The following GTF3C2 variants were observed in gnomAD, a reference collection of about 807,000 sequenced individuals.
GTF3C2 encodes the protein general transcription factor IIIC subunit 2.
In GTF3C2, 17 loss-of-function variants were observed where a neutral mutation model predicts 117.4. The ratio of observed to expected loss-of-function variants is 0.14; its 90% CI spans 0.10 to 0.22. GTF3C2 has a LOEUF of 0.22. Among genes scored for constraint, GTF3C2 ranks in the 10% least tolerant of loss-of-function variants. The pLI is 1.00. For synonymous variants in GTF3C2, 437 were observed against 427.0 expected, an observed-to-expected ratio of 1.02 and a Z score of -0.29; for missense variants, 888 against 1,143.6, an observed-to-expected ratio of 0.78 and a Z score of 3.22.
Position 27,343,608 on chromosome 2 carries a change from G to A in GTF3C2, c.-24-30C>T, listed in dbSNP as rs558231357. On this transcript the variant is annotated intron_variant, in intron 1 of 18. Transcript: ENST00000264720. ...ATACAGAGACACACAAATGAGTAGA[G>A]GACAAAAACTATTTGTACTAGCTCA... is the stretch of plus-strand genomic sequence containing the variant. 3.3e-4 allele frequency: 525 copies of A among 1,581,326 alleles called. No homozygotes were observed. In the African/African-American group the frequency reaches 6.6e-3, roughly 20 times the overall value.
At chr2:27,350,019 A>T (rs1681071486) in intron 1 of GTF3C2, among the ~76,000 whole-genome samples, 1 of 152,216 alleles carries the variant, frequency 6.6e-6, no homozygotes, top group Non-Finnish European at 1.5e-5. Context: ...AACATCAAAT[A>T]ACAGCATCAA....
At chr2:27,343,054 G>A (rs756111010) in exon 3 of GTF3C2, 2 of 1,613,580 alleles carry the variant, frequency 1.2e-6, no homozygotes, top group Admixed American at 3.3e-5. Context: ...AGGCTGTTGG[G>A]GCCTTTTGGG....
At chr2:27,346,527 T>C (rs1209851922) in intron 1 of GTF3C2, among the ~76,000 whole-genome samples, 1 of 151,410 alleles carries the variant, frequency 6.6e-6, no homozygotes, top group African/African-American at 2.4e-5. Flanking sequence ...AATTTTTGTA[T>C]TTTTTGTAGA....
At chr2:27,335,335 G>GC (rs1360465975) in intron 10 of GTF3C2, 1 of 601,442 alleles carries the variant, frequency 1.7e-6, no homozygotes, top group Admixed American at 2.2e-5. Context: ...ACCTGTGGCA[G>GC]CAAGAGGGGG....
chr2:27,342,131 C>T lies in GTF3C2; in HGVS notation c.672G>A (p.Pro224=), dbSNP rs77603674. 5.2e-4 allele frequency: 838 copies of T among 1,614,154 alleles called. 4 individuals are homozygous for T. The African/African-American group carries it at 9.6e-3, about 19-fold the overall frequency. The change falls in exon 4 of 19, where the codon CCG becomes CCA. Residue 224 remains proline, a synonymous_variant. Transcript: ENST00000264720. ...AGGCTGCTGGCTGCCGGATCTTCTT[C>T]GGTTTGGTGGGGCTGCTCACCTTGG...
chr2:27,337,774 T>C lies in GTF3C2; in HGVS notation c.950+152A>G. 3 of 707,954 alleles carry C rather than the reference T, an allele frequency of 4.2e-6. No individual in the cohort carries two copies. In the South Asian group the frequency reaches 4.9e-5, roughly 12 times the overall value. The allele number at this position is 707,954 out of a possible 1,614,324, so 43.9% of individuals were successfully genotyped here. ...CACTTTAATTAAAGAGTTCTAGAGC[T>C]CTTGCCTCTAGAGCAGTGCTTTTTA... On this transcript the variant is annotated intron_variant, in intron 5 of 18. Transcript: ENST00000264720.
Position 27,328,868 on chromosome 2 carries a change from AGTGAAGTAGG to A in GTF3C2, c.2093_2102del (p.Ala698ValfsTer20). ...CCCAAACGGTGCCTTTTCGAGGAGC[AGTGAAGTAGG>A]CCTTGAAACCAAGGTAACCAGCGTC... On this transcript the variant is annotated frameshift_variant, in exon 15 of 19. Transcript: ENST00000264720. LOFTEE classifies it high-confidence loss of function. 1 of 1,613,050 alleles carries A rather than the reference AGTGAAGTAGG, an allele frequency of 6.2e-7. No homozygotes were observed. Among genetic ancestry groups the A allele is most frequent in the Non-Finnish European group, 8.5e-7 (1 of 1,178,938 alleles).
At chr2:27,334,048 G>A in intron 10 of GTF3C2, 49 bp from the exon 11 acceptor site, 2 of 1,466,840 alleles carry the variant, frequency 1.4e-6, no homozygotes, top group Non-Finnish European at 1.9e-6. Flanking sequence ...CAAGGACTCA[G>A]CAGGTCTTAC....
At chr2:27,333,158 CTTTTTT>C (rs1199330474) in intron 12 of GTF3C2, among the ~76,000 whole-genome samples, 16 of 130,170 alleles carry the variant, frequency 1.2e-4, no homozygotes, top group African/African-American at 3.8e-4. Context: ...GGCATCTACT[CTTTTTT>C]TTTTTTTTTT....
At chr2:27,337,092 G>A (rs1209313224) in intron 7 of GTF3C2, 152 bp downstream of exon 7, 10 of 622,810 alleles carry the variant, frequency 1.6e-5, no homozygotes, top group Non-Finnish European at 2.9e-5. Context: ...AATCAGAGAG[G>A]ACTGACCAGC....
chr2:27,336,479 G>T (rs569604012), intron 7 of GTF3C2, 54 bp from the exon 8 acceptor site: 3 of 1,058,640 alleles, frequency 2.8e-6, no homozygotes, highest in Non-Finnish European at 4.4e-6. Context: ...AGGTAATGAG[G>T]ACTGAATGGG....
intron 4 of GTF3C2, 28 bp downstream of exon 4, chr2:27,341,920 C>CA: frequency 6.3e-7 from 1 of 1,591,766 alleles, no homozygotes; most frequent in Non-Finnish European, 8.6e-7. Context: ...ACTATGTCCC[C>CA]ATTCACTTTC....
chr2:27,341,870 T>C (rs1196025480), intron 4 of GTF3C2, 78 bp downstream of exon 4: 2 of 1,243,278 alleles, frequency 1.6e-6, no homozygotes, highest in Non-Finnish European at 1.1e-6. Flanking sequence ...GTCAAAGCTG[T>C]CCTTCCTTTC....
At chr2:27,326,208 T>A in exon 19 of GTF3C2, 1 of 472,290 alleles carries the variant, frequency 2.1e-6, no homozygotes, top group Non-Finnish European at 4.4e-6. Context: ...TGGGCATACA[T>A]GATGGTTACC....
At chr2:27,345,500 A>G (rs1680885265) in intron 1 of GTF3C2, among the ~76,000 whole-genome samples, 2 of 151,376 alleles carry the variant, frequency 1.3e-5, no homozygotes, top group Admixed American at 1.3e-4. Flanking sequence ...GGCGGAGGCA[A>G]GAGAATCAAT....
At chr2:27,343,239 G>A (rs1287627294) in intron 2 of GTF3C2, 69 bp downstream of exon 2, 3 of 1,549,260 alleles carry the variant, frequency 1.9e-6, no homozygotes, top group South Asian at 2.3e-5. Context: ...AAGATCCTAT[G>A]AGCTCAATCT....
At chr2:27,338,073 A>G (rs1308634046) in intron 4 of GTF3C2, 53 bp from the exon 5 acceptor site, 4 of 1,100,988 alleles carry the variant, frequency 3.6e-6, no homozygotes, top group Admixed American at 1.7e-5. Context: ...AGGTTGGACA[A>G]AGTCCCAGAG....
exon 17 of GTF3C2, chr2:27,328,166 T>A: frequency 6.3e-7 from 1 of 1,591,272 alleles, no homozygotes; most frequent in Non-Finnish European, 8.5e-7. Flanking sequence ...CCTGATACGG[T>A]ATCAGATCTG....
intron 8 of GTF3C2, 22 bp downstream of exon 8, chr2:27,336,176 G>T: frequency 6.4e-7 from 1 of 1,564,450 alleles, no homozygotes; most frequent in Non-Finnish European, 8.8e-7. Context: ...CCCTCCCATG[G>T]CAGTGTCCAA....
Sources: allele counts gnomAD v4.1 joint callset (sites outside exome capture counted in the v4.1 genomes callset), GRCh38; gene constraint gnomAD v4.1.1; transcripts MANE v1.5; gene names NCBI Gene and HGNC (gene_info 2026-07-23, HGNC 2026-07-21).